The following KAZN variants were observed in gnomAD, a reference collection of about 807,000 sequenced individuals.
KAZN encodes the protein kazrin, periplakin interacting protein, also known as kazrin.
Under a neutral mutation model 87.4 loss-of-function variants are expected in KAZN, and 40 were observed. That is an observed-to-expected ratio of 0.46 (90% CI 0.36 to 0.60). KAZN has a LOEUF of 0.60. Among genes scored for constraint, KAZN ranks in the 20% least tolerant of loss-of-function variants. KAZN has a pLI of 0.00. For synonymous variants in KAZN, 466 were observed against 458.3 expected, an observed-to-expected ratio of 1.02 and a Z score of -0.22; for missense variants, 898 against 1,073.9, an observed-to-expected ratio of 0.84 and a Z score of 2.29.
At chr1:14,957,071 G>A (rs7525178) in intron 1 of KAZN, among the ~76,000 whole-genome samples, 10,803 of 152,148 alleles carry the variant, frequency 0.071, 1,297 homozygotes, top group African/African-American at 0.25. Flanking sequence ...CTGTTTCTTC[G>A]TGTGTGCGTC....
chr1:14,221,274 T>C (rs2100500034), intron 2 of KAZN, among the ~76,000 whole-genome samples: 1 of 152,292 alleles, frequency 6.6e-6, no homozygotes, highest in South Asian at 2.1e-4. Flanking sequence ...AGTATTGAAT[T>C]CTAAATATAA....
chr1:14,088,035 C>T (rs1186411822), intron 1 of KAZN, among the ~76,000 whole-genome samples: 3 of 145,878 alleles, frequency 2.1e-5, no homozygotes, highest in South Asian at 2.2e-4. Flanking sequence ...ATTATTTCAT[C>T]TTTAAATGTT....
At chr1:14,280,900 C>G (rs1402267907) in intron 2 of KAZN, among the ~76,000 whole-genome samples, 1 of 152,172 alleles carries the variant, frequency 6.6e-6, no homozygotes, top group Non-Finnish European at 1.5e-5. Context: ...TCCTATTTTA[C>G]AGAGGATGAA....
intron 1 of KAZN, among the ~76,000 whole-genome samples, chr1:14,687,317 T>C (rs941193414): frequency 6.6e-6 from 1 of 152,174 alleles, no homozygotes; most frequent in African/African-American, 2.4e-5. Context: ...TGCACCCCTT[T>C]GCTGGAACAG....
intron 1 of KAZN, among the ~76,000 whole-genome samples, chr1:14,071,437 A>G (rs896380304): frequency 2.0e-5 from 3 of 152,198 alleles, no homozygotes; most frequent in African/African-American, 7.2e-5. Context: ...AAGAGTACAA[A>G]GGGTTGCTAC....
At chr1:15,010,795 A>G (rs1173927605) in intron 2 of KAZN, among the ~76,000 whole-genome samples, 1 of 152,052 alleles carries the variant, frequency 6.6e-6, no homozygotes, top group African/African-American at 2.4e-5. Context: ...CTCCTTTTTC[A>G]TGGAGTAGCT....
At chr1:14,382,935 A>G (rs1661505618) in intron 2 of KAZN, among the ~76,000 whole-genome samples, 1 of 151,670 alleles carries the variant, frequency 6.6e-6, no homozygotes, top group Non-Finnish European at 1.5e-5. Flanking sequence ...AGTCCCACCA[A>G]CGGTGTAAAA....
intron 2 of KAZN, among the ~76,000 whole-genome samples, chr1:14,520,798 G>C (rs544553579): frequency 6.6e-6 from 1 of 152,186 alleles, no homozygotes; most frequent in African/African-American, 2.4e-5. Context: ...AACCAAAGAT[G>C]GTTTTGTTTT....
At chr1:14,584,731 G>C (rs578036669) in intron 2 of KAZN, among the ~76,000 whole-genome samples, 45 of 151,836 alleles carry the variant, frequency 3.0e-4, no homozygotes, top group African/African-American at 9.2e-4. Context: ...TGCAACCTCT[G>C]CCTCCTGGGT....
At chr1:14,932,098 G>C (rs1253144663) in intron 1 of KAZN, among the ~76,000 whole-genome samples, 1 of 152,178 alleles carries the variant, frequency 6.6e-6, no homozygotes, top group Non-Finnish European at 1.5e-5. Flanking sequence ...CGTTCACCCT[G>C]AATTCCTGGC....
intron 12 of KAZN, 72 bp from the exon 13 acceptor site, chr1:15,103,951 G>A (rs756719516): frequency 1.2e-5 from 18 of 1,469,462 alleles, no homozygotes; most frequent in African/African-American, 1.4e-5. Context: ...AGAGCCCCAC[G>A]TGGAACTGGG....
At chr1:14,380,863 A>C (rs1395376664) in intron 2 of KAZN, among the ~76,000 whole-genome samples, 1 of 152,236 alleles carries the variant, frequency 6.6e-6, no homozygotes, top group Non-Finnish European at 1.5e-5. Flanking sequence ...CCAATATCCA[A>C]ATACAAGAAA....
At chr1:13,919,837 A>C (rs1014455555) in intron 1 of KAZN, among the ~76,000 whole-genome samples, 1 of 152,208 alleles carries the variant, frequency 6.6e-6, no homozygotes, top group African/African-American at 2.4e-5. Context: ...TATTTCTCAT[A>C]GGCCACCACA....
At chr1:14,419,981 G>C (rs916058570) in intron 2 of KAZN, among the ~76,000 whole-genome samples, 4 of 152,148 alleles carry the variant, frequency 2.6e-5, no homozygotes, top group Admixed American at 6.5e-5. Context: ...GCCACTCCCG[G>C]CTCCGGCAGC....
At chr1:14,532,677 T>C (rs1410708840) in intron 2 of KAZN, among the ~76,000 whole-genome samples, 2 of 139,910 alleles carry the variant, frequency 1.4e-5, no homozygotes, top group African/African-American at 2.7e-5. Flanking sequence ...TGTCCATGTG[T>C]TCTCATTGTT....
intron 2 of KAZN, among the ~76,000 whole-genome samples, chr1:14,481,205 C>T (rs776240498): frequency 8.5e-5 from 13 of 152,148 alleles, no homozygotes; most frequent in East Asian, 1.9e-4. Context: ...TCTTCTTGGG[C>T]AATTTTCCTG....
At chr1:14,666,861 G>A (rs1031573191) in intron 1 of KAZN, among the ~76,000 whole-genome samples, 3 of 152,092 alleles carry the variant, frequency 2.0e-5, no homozygotes, top group African/African-American at 4.8e-5. Flanking sequence ...TCAGCCTCCC[G>A]AGTAGCTGGG....
At chr1:14,494,017 G>A (rs1488526262) in intron 2 of KAZN, among the ~76,000 whole-genome samples, 1 of 152,054 alleles carries the variant, frequency 6.6e-6, no homozygotes, top group Admixed American at 6.5e-5. Flanking sequence ...CATGTCTTCT[G>A]GCTTTGTCTT....
chr1:14,579,903 G>A (rs548251362), intron 2 of KAZN, among the ~76,000 whole-genome samples: 16 of 151,758 alleles, frequency 1.1e-4, no homozygotes, highest in Admixed American at 3.3e-4. Context: ...GAGGCTGCCC[G>A]CTGCCTTTCA....
Sources: allele counts gnomAD v4.1 joint callset (sites outside exome capture counted in the v4.1 genomes callset), GRCh38; gene constraint gnomAD v4.1.1; transcripts MANE v1.5; gene names NCBI Gene and HGNC (gene_info 2026-07-23, HGNC 2026-07-21).